RYR2: variants seen among roughly 807,000 people sequenced by gnomAD.
The protein encoded by RYR2 is ryanodine receptor 2.
A neutral mutation model predicts 601.1 loss-of-function variants in RYR2; 227 were observed. The ratio of observed to expected loss-of-function variants is 0.38; its 90% CI spans 0.34 to 0.42. RYR2 has a LOEUF of 0.42. RYR2 is among the 10% of genes least tolerant of loss of function. RYR2 has a pLI of 1.00. For missense variants in RYR2, 4,646 were observed against 6,156.5 expected (o/e 0.75, Z 8.21); for synonymous variants, 2,223 against 2,175.1 (o/e 1.02, Z -0.61).
chr1:237,200,252 C>T (rs188954744), intron 1 of RYR2, among the ~76,000 whole-genome samples: 1 of 152,156 alleles, frequency 6.6e-6, no homozygotes, highest in East Asian at 1.9e-4. Flanking sequence ...TATCCTTTAA[C>T]TGCCCCAACC....
At chr1:237,446,527 G>C (rs1708352216) in intron 14 of RYR2, among the ~76,000 whole-genome samples, 2 of 148,116 alleles carry the variant, frequency 1.4e-5, no homozygotes, top group Non-Finnish European at 3.0e-5. Context: ...AAGGATTTTT[G>C]TAGTAGTTGA....
intron 1 of RYR2, among the ~76,000 whole-genome samples, chr1:237,203,077 T>C (rs1185999167): frequency 2.0e-5 from 3 of 152,044 alleles, no homozygotes; most frequent in African/African-American, 7.2e-5. Context: ...CCCACCCAGT[T>C]TGGACAAAGA....
chr1:237,747,923 G>A (rs1692217622), intron 80 of RYR2, among the ~76,000 whole-genome samples: 1 of 152,116 alleles, frequency 6.6e-6, no homozygotes, highest in African/African-American at 2.4e-5. Flanking sequence ...TCATGCTATT[G>A]AATCATAGAG....
chr1:237,047,867 A>G (rs997013628), intron 1 of RYR2, among the ~76,000 whole-genome samples: 1 of 152,088 alleles, frequency 6.6e-6, no homozygotes, highest in Admixed American at 6.5e-5. Flanking sequence ...GAGCTTATCT[A>G]TGTCACAAAA....
intron 56 of RYR2, among the ~76,000 whole-genome samples, chr1:237,665,334 G>A (rs1319723517): frequency 6.6e-6 from 1 of 150,962 alleles, no homozygotes; most frequent in Non-Finnish European, 1.5e-5. Flanking sequence ...GGGAGGCAGA[G>A]GTTGCAGCGA....
chr1:237,580,155 C>CTTTTTTTTTTTTTTTT (rs58145628), intron 29 of RYR2, among the ~76,000 whole-genome samples: 1 of 116,600 alleles, frequency 8.6e-6, no homozygotes, highest in African/African-American at 3.3e-5. Context: ...CACAACAATT[C>CTTTTTTTTTTTTTTTT]TTTTTTTTTT....
chr1:237,562,494 T>A (rs1026302033), intron 27 of RYR2, among the ~76,000 whole-genome samples: 5 of 152,128 alleles, frequency 3.3e-5, no homozygotes, highest in Admixed American at 2.6e-4. Flanking sequence ...AGGCCCTAGT[T>A]AGGTGATTGG....
intron 97 of RYR2, among the ~76,000 whole-genome samples, chr1:237,799,377 A>G (rs1202592821): frequency 6.6e-6 from 1 of 152,186 alleles, no homozygotes; most frequent in Non-Finnish European, 1.5e-5. Flanking sequence ...TTACTGAGTT[A>G]TGCATTTTCT....
chr1:237,456,463 TCA>T, intron 15 of RYR2, 135 bp from the exon 16 acceptor site: 1 of 866,232 alleles, frequency 1.2e-6, no homozygotes, highest in Non-Finnish European at 1.6e-6. Flanking sequence ...CTTTGAATGA[TCA>T]CAGTTTTCTT....
At chr1:237,156,518 A>ACTAC (rs1158261625) in intron 1 of RYR2, among the ~76,000 whole-genome samples, 7 of 152,296 alleles carry the variant, frequency 4.6e-5, no homozygotes, top group African/African-American at 1.7e-4. Flanking sequence ...AAAATGCACA[A>ACTAC]CTACCTGTTA....
At chr1:237,768,899 G>A (rs1302687923) in intron 84 of RYR2, among the ~76,000 whole-genome samples, 2 of 152,128 alleles carry the variant, frequency 1.3e-5, no homozygotes, top group African/African-American at 2.4e-5. Context: ...GATGTACGGT[G>A]TGTCCTTATA....
chr1:237,763,580 G>T (rs1281115287), intron 84 of RYR2, among the ~76,000 whole-genome samples: 2 of 152,194 alleles, frequency 1.3e-5, no homozygotes, highest in Non-Finnish European at 2.9e-5. Flanking sequence ...TACTAGCAAA[G>T]ATGCCATTAG....
intron 1 of RYR2, among the ~76,000 whole-genome samples, chr1:237,156,912 G>A (rs1675405846): frequency 6.6e-6 from 1 of 152,196 alleles, no homozygotes. Flanking sequence ...GGCAGAGAAA[G>A]GGGAATGCTT....
At chr1:237,786,179 G>A (rs927875882) in intron 91 of RYR2, 143 bp downstream of exon 91, 13 of 625,734 alleles carry the variant, frequency 2.1e-5, no homozygotes, top group Non-Finnish European at 8.4e-6. Context: ...TCCGTGGAGA[G>A]GCTCTGACAG....
chr1:237,423,395 T>C, intron 12 of RYR2, 147 bp downstream of exon 12: 1 of 990,268 alleles, frequency 1.0e-6, no homozygotes, highest in Non-Finnish European at 1.5e-6. Context: ...TTCCATACAT[T>C]CCTCTCTGGT....
In RYR2 at chr1:237,778,690, A is replaced by G; in HGVS notation, c.11800A>G (p.Ser3934Gly). Residue 3934 changes from serine to glycine, a missense_variant, in exon 88 of 105, where the codon AGT becomes GGT. Ser to Gly is a moderately conservative substitution (Grantham distance 56). Around this residue, in one of 17 missense-constraint regions of RYR2, gnomAD observed 90 missense variants for 213.3 expected, o/e 0.42. Transcript: ENST00000366574. ...GGGTCCTTGCACTGGGAATCAACAG[A>G]GTTTGGCACACAGCAGGCTGTGGGA... is the stretch of plus-strand genomic sequence containing the variant. ...IQGPCTGNQQSLAHSRLWDAV... is the reference protein window; with the variant it reads ...IQGPCTGNQQGLAHSRLWDAV... The G allele has an allele frequency of 6.2e-7, 1 of 1,607,420 alleles. No homozygotes were observed. The highest frequency in any genetic ancestry group is 8.5e-7 in the Non-Finnish European group (1 of 1,174,628).
intron 1 of RYR2, among the ~76,000 whole-genome samples, chr1:237,061,871 A>AT (rs1054991972): frequency 6.6e-6 from 1 of 151,668 alleles, no homozygotes; most frequent in Non-Finnish European, 1.5e-5. Context: ...AGCCTTTACT[A>AT]TTTTAAGGCT....
chr1:237,260,136 A>C (rs1688375468), intron 1 of RYR2, among the ~76,000 whole-genome samples: 1 of 152,240 alleles, frequency 6.6e-6, no homozygotes, highest in Non-Finnish European at 1.5e-5. Flanking sequence ...TACATCAAAG[A>C]AACAAAAAGT....
At chr1:237,755,028 CAA>C (rs550022233) in intron 80 of RYR2, 1 of 1,256,660 alleles carries the variant, frequency 8.0e-7, no homozygotes, top group Non-Finnish European at 1.0e-6. Flanking sequence ...TATAGTGTGA[CAA>C]AAAAAACCCT....
Sources: allele counts gnomAD v4.1 joint callset (sites outside exome capture counted in the v4.1 genomes callset), GRCh38; gene constraint gnomAD v4.1.1; regional missense constraint gnomAD v4.1.1; transcripts MANE v1.5; gene names NCBI Gene and HGNC (gene_info 2026-07-23, HGNC 2026-07-21).